Variants in ZNF552 observed in about 807,000 individuals in gnomAD.
ZNF552 encodes the protein zinc finger protein 552.
Under a neutral mutation model 7.2 loss-of-function variants are expected in ZNF552, and 2 were observed. The ratio of observed to expected loss-of-function variants is 0.28; its 90% CI spans 0.11 to 0.88. The LOEUF is 0.88. Ranked by LOEUF, ZNF552 falls within the 40% of genes least tolerant of loss-of-function variation. ZNF552 has a pLI of 0.60. For synonymous variants in ZNF552, 173 were observed against 176.5 expected, an observed-to-expected ratio of 0.98 and a Z score of 0.16; for missense variants, 421 against 493.4, an observed-to-expected ratio of 0.85 and a Z score of 1.39.
chr19:57,807,410 G>A lies in ZNF552; in HGVS notation c.*630C>T, dbSNP rs1987761637. ...CATCTCTACTAAAAATACAAAAAAG[G>A]TAGGAGTGGTGGTGGTTGCCTGTAG... On this transcript the variant is annotated 3_prime_UTR_variant, in exon 3 of 3. Transcript: ENST00000391701. 6.6e-6 allele frequency: 1 copy of A among 151,998 alleles called. No individual in the cohort carries two copies. The allele number at this position is 151,998 out of a possible 1,614,324, so 9.4% of individuals were successfully genotyped here. A position where few individuals can be genotyped will look rare whatever the true frequency, so the allele number is the denominator to read the frequency against.
rs1316594934 is a variant in ZNF552 at position 57,807,946 on chromosome 19, A to C, written c.*94T>G. On this transcript the variant is annotated 3_prime_UTR_variant, in exon 3 of 3. Coordinates refer to ENST00000391701, the MANE Select transcript of ZNF552 (RefSeq NM_024762.3). ...ACTCTCCAATATCCAAGGAGAGCAG[A>C]CCTTTGGGTAAACATTTTCCACATT... is the stretch of plus-strand genomic sequence containing the variant. 1 of 1,431,562 alleles carries C rather than the reference A, an allele frequency of 7.0e-7. No homozygotes were observed. Among genetic ancestry groups the C allele is most frequent in the Non-Finnish European group, 9.5e-7 (1 of 1,057,768 alleles). 88.7% of individuals were successfully genotyped at this position (1,431,562 alleles called of 1,614,324 possible). A position where few individuals can be genotyped will look rare whatever the true frequency, so the allele number is the denominator to read the frequency against.
At chr19:57,809,873 C>T (rs934700296) in intron 2 of ZNF552, among the ~76,000 whole-genome samples, 1 of 152,148 alleles carries the variant, frequency 6.6e-6, no homozygotes, top group Non-Finnish European at 1.5e-5. Context: ...AATCCCAGCA[C>T]TTTGGGAGGC....
intron 2 of ZNF552, among the ~76,000 whole-genome samples, chr19:57,810,774 A>G (rs1987839977): frequency 6.6e-6 from 1 of 152,162 alleles, no homozygotes; most frequent in Admixed American, 6.5e-5. Context: ...TTGAGATAAG[A>G]GGAGGGCATC....
In ZNF552 at chr19:57,810,708, G is replaced by A. The variant is rs373205955; in HGVS notation, c.161-1605C>T. On this transcript the variant is annotated intron_variant, in intron 2 of 2. Transcript: ENST00000391701. ...TGGGAAGGGAAAGACCTGACAGCCC[G>A]ACGCCAGTAAAGGGGCTGTGCTGAG... is the stretch of plus-strand genomic sequence containing the variant. Among the ~76,000 whole-genome samples, 15 of 152,122 alleles carry A rather than the reference G, an allele frequency of 9.9e-5. No individual in the cohort carries two copies. The East Asian group carries it at 1.7e-3, about 18-fold the overall frequency.
chr19:57,814,607 G>A, intron 1 of ZNF552, 104 bp downstream of exon 1: 1 of 1,596,774 alleles, frequency 6.3e-7, no homozygotes, highest in Non-Finnish European at 8.5e-7. Flanking sequence ...GTGTCCCGAC[G>A]CCGGGTCCGG....
chr19:57,808,598 G>A lies in ZNF552; in HGVS notation c.666C>T (p.Ser222=), dbSNP rs773523766. ...CGTGCTGACTGAGTATATCTTTGGT[G>A]CTAAAATGTTTCATGCATCCTCCAC... ...YSCGGCMKHF[S]TKDILSQHER... The change falls in exon 3 of 3, where the codon AGC becomes AGT. Residue 222 remains serine (S), a synonymous_variant. Transcript: ENST00000391701. 45 of 1,614,040 alleles carry A rather than the reference G, an allele frequency of 2.8e-5. 1 individual carries two copies. In the South Asian group the frequency reaches 4.7e-4, roughly 17 times the overall value.
At chr19:57,812,310 T>A (rs77937315) in intron 2 of ZNF552, among the ~76,000 whole-genome samples, 1,821 of 152,192 alleles carry the variant, frequency 0.012, 35 homozygotes, top group African/African-American at 0.042. Flanking sequence ...TAGAAGAGGT[T>A]TCTGTCATGA....
intron 2 of ZNF552, among the ~76,000 whole-genome samples, chr19:57,809,854 C>G (rs1987820380): frequency 6.6e-6 from 1 of 152,120 alleles, no homozygotes; most frequent in African/African-American, 2.4e-5. Context: ...CATGGTGACT[C>G]ATGCCTACAA....
chr19:57,812,548 AGACAG>A (rs1479068657), intron 2 of ZNF552, among the ~76,000 whole-genome samples: 10 of 152,274 alleles, frequency 6.6e-5, no homozygotes, highest in Middle Eastern at 3.4e-3. Context: ...ACATGACAGC[AGACAG>A]GAAACAATAT....
Position 57,808,058 on chromosome 19 carries a change from G to A in ZNF552, c.1206C>T (p.His402=). Residue 402 remains histidine (H), a synonymous_variant, in exon 3 of 3, where the codon CAC becomes CAT. Coordinates refer to ENST00000391701, the MANE Select transcript of ZNF552 (RefSeq NM_024762.3). ...ISSLRHHQRV[H]KRKGL Reference sequence around the variant, plus strand: ...ACTGCACTCATAAGCCCTTTCTTTTGTGAACTCTCTGATGATGACGAAGTG... The same window carrying A: ...ACTGCACTCATAAGCCCTTTCTTTTATGAACTCTCTGATGATGACGAAGTG... The A allele has an allele frequency of 6.2e-7, 1 of 1,611,052 alleles. No homozygotes were observed. The highest frequency in any genetic ancestry group is 8.5e-7 in the Non-Finnish European group (1 of 1,178,560).
intron 1 of ZNF552, chr19:57,814,428 G>T: frequency 8.0e-7 from 1 of 1,249,056 alleles, no homozygotes; most frequent in East Asian, 2.6e-5. Flanking sequence ...TTTTCCAGGA[G>T]GAGTTCCGCC....
chr19:57,809,270 A>C (rs781159163), intron 2 of ZNF552, 167 bp from the exon 3 acceptor site: 2 of 1,494,444 alleles, frequency 1.3e-6, no homozygotes, highest in South Asian at 1.2e-5. Context: ...ACTGGACTAT[A>C]ATGGTCACAG....
In ZNF552 at chr19:57,813,347, C is replaced by A; in HGVS notation, c.107G>T (p.Arg36Ile). The A allele has an allele frequency of 4.3e-6, 7 of 1,614,144 alleles. No homozygotes were observed. The highest frequency in any genetic ancestry group is 5.9e-6 in the Non-Finnish European group (7 of 1,180,028). The change falls in exon 2 of 3, where the codon AGA becomes ATA. Residue 36 changes from arginine (R) to isoleucine (I), a missense_variant. By Grantham distance (97) the Arg-to-Ile change is moderately conservative. Transcript: ENST00000391701. ...CAGCGTCACATCACGGTACAGGCAT[C>A]TCTGAGCCTCACTAAGGAGATTCCA... is the stretch of plus-strand genomic sequence containing the variant. The part of the protein sequence containing the change: ...EEWNLLSEAQ[R>I]CLYRDVTLEN...
chr19:57,812,961 G>A (rs955339043), intron 2 of ZNF552: 4 of 367,118 alleles, frequency 1.1e-5, no homozygotes, highest in South Asian at 1.1e-4. Flanking sequence ...CTGGCACAGG[G>A]AGGCATGAAG....
chr19:57,813,621 A>G (rs745622707), intron 1 of ZNF552, among the ~76,000 whole-genome samples: 2 of 151,836 alleles, frequency 1.3e-5, no homozygotes, highest in African/African-American at 2.4e-5. Context: ...TGGCTGTGAT[A>G]TAAGAGTCCA....
At chr19:57,813,063 T>C in intron 2 of ZNF552, 4 of 592,150 alleles carry the variant, frequency 6.8e-6, no homozygotes, top group Non-Finnish European at 1.1e-5. Flanking sequence ...TAGCCTGCAT[T>C]AAGTTGCCTG....
chr19:57,808,738 T>C lies in ZNF552; in HGVS notation c.526A>G (p.Lys176Glu). Residue 176 changes from lysine (K) to glutamate (E), a missense_variant, in exon 3 of 3, where the codon AAA becomes GAA. Physicochemically the swap from Lys to Glu is moderately conservative, Grantham distance 56. Transcript: ENST00000391701. ...GESSVFSESG[K>E]DFLLRSGLLQ... ...AATCCTGACCTGAGCAAAAAGTCTTTCCCACTCTCACTGAAGACAGATGAC... is the reference window on the plus strand; with the variant it reads ...AATCCTGACCTGAGCAAAAAGTCTTCCCCACTCTCACTGAAGACAGATGAC... The C allele has an allele frequency of 6.2e-7, 1 of 1,614,112 alleles. No homozygotes were observed. The highest frequency in any genetic ancestry group is 1.1e-5 in the South Asian group (1 of 91,078).
rs375836877 is a variant in ZNF552, at chr19:57,813,274, G to C, written c.160+20C>G. 122 of 1,613,878 alleles carry C rather than the reference G, an allele frequency of 7.6e-5. No individual in the cohort carries two copies. Among genetic ancestry groups the C allele is most frequent in the Admixed American group, 1.2e-4 (7 of 59,990 alleles). On this transcript the variant is annotated intron_variant, in intron 2 of 2. Coordinates refer to ENST00000391701, the MANE Select transcript of ZNF552 (RefSeq NM_024762.3). ...GACAGAGACTAGCTCAGGTCACAGG[G>C]GTGAGTGTGGGCAACTTACCCAGGG...
intron 1 of ZNF552, 146 bp downstream of exon 1, chr19:57,814,565 C>T (rs889681287): frequency 5.8e-6 from 9 of 1,552,186 alleles, no homozygotes; most frequent in Admixed American, 1.9e-5. Flanking sequence ...CCACGGGTGT[C>T]TGAAACAGGG....
Sources: allele counts gnomAD v4.1 joint callset (sites outside exome capture counted in the v4.1 genomes callset), GRCh38; gene constraint gnomAD v4.1.1; transcripts MANE v1.5; gene names NCBI Gene and HGNC (gene_info 2026-07-23, HGNC 2026-07-21).